THAP3: variants seen among roughly 807,000 people sequenced by gnomAD.
The protein encoded by THAP3 is THAP domain-containing protein 3.
In THAP3, 12 loss-of-function variants were observed where a neutral mutation model predicts 17.7. The observed-to-expected ratio is 0.68, with a 90% CI of 0.43 to 1.10. THAP3 has a LOEUF of 1.10. Among genes scored for constraint, THAP3 ranks in the 50% least tolerant of loss-of-function variants. The probability of loss-of-function intolerance (pLI) is 0.00; values close to 1 mark genes in which losing one functional copy is unlikely to be tolerated. For missense variants in THAP3, 289 were observed against 318.0 expected, an observed-to-expected ratio of 0.91 and a Z score of 0.69; for synonymous variants, 133 against 126.9, an observed-to-expected ratio of 1.05 and a Z score of -0.32.
At chr1:6,631,473 A>G (rs1156682429) in intron 4 of THAP3, among the ~76,000 whole-genome samples, 3 of 152,118 alleles carry the variant, frequency 2.0e-5, no homozygotes, top group Non-Finnish European at 2.9e-5. Context: ...TACTAAAAAT[A>G]TAAAAATTAG....
chr1:6,633,966 T>G, downstream of THAP3: 1 of 1,530,466 alleles, frequency 6.5e-7, no homozygotes, highest in Non-Finnish European at 9.0e-7. Context: ...TTTAGTGAAT[T>G]AAAGAAAAAA....
intron 4 of THAP3, among the ~76,000 whole-genome samples, chr1:6,630,580 TTTTC>T (rs1363267442): frequency 6.6e-6 from 1 of 152,116 alleles, no homozygotes; most frequent in Non-Finnish European, 1.5e-5. Flanking sequence ...TCCCTTTTTC[TTTTC>T]TTTTTTTTGA....
chr1:6,630,174 G>A (rs147188414), intron 3 of THAP3, 114 bp from the exon 4 acceptor site: 14 of 902,524 alleles, frequency 1.6e-5, no homozygotes, highest in East Asian at 2.4e-5. Flanking sequence ...GCAGCTGTTC[G>A]TTGACTGGGG....
chr1:6,630,760 C>T lies in THAP3; in HGVS notation c.333+407C>T, dbSNP rs890715133. 3.3e-5 allele frequency among the ~76,000 whole-genome samples: 5 copies of T among 151,994 alleles called. No homozygotes were observed. In the South Asian group the frequency reaches 6.2e-4, roughly 19 times the overall value. Reference sequence around the variant, plus strand: ...TAATTTTTGTGTTTTGAAATAGAGACGGGGTTTTACCACGTTGGCCAGGCT... The same window carrying T: ...TAATTTTTGTGTTTTGAAATAGAGATGGGGTTTTACCACGTTGGCCAGGCT... On this transcript the variant is annotated intron_variant, in intron 4 of 5. Coordinates refer to ENST00000054650, the MANE Select transcript of THAP3 (RefSeq NM_001195753.2).
At chr1:6,628,253 A>C in intron 2 of THAP3, 1 of 471,580 alleles carries the variant, frequency 2.1e-6, no homozygotes, top group Non-Finnish European at 3.7e-6. Flanking sequence ...GCTCCTGGCA[A>C]ATGTAGCATC....
downstream of THAP3, chr1:6,633,625 G>A (rs375783087): frequency 1.7e-4 from 175 of 1,059,618 alleles, 2 homozygotes; most frequent in South Asian, 3.3e-3. Context: ...ACTGACTTCC[G>A]TGGCCGGGCG....
chr1:6,625,417 A>T, intron 2 of THAP3, 125 bp downstream of exon 2: 1 of 824,002 alleles, frequency 1.2e-6, no homozygotes. Context: ...GGACAGGCCG[A>T]GGTCCTGGGC....
downstream of THAP3, chr1:6,634,390 C>A: frequency 1.7e-6 from 2 of 1,205,886 alleles, no homozygotes; most frequent in Non-Finnish European, 2.2e-6. Flanking sequence ...ACAACCCGAA[C>A]TGCTTTTCAA....
At chr1:6,634,515 C>T (rs530378430), downstream of THAP3, 191 of 1,355,460 alleles carry the variant, frequency 1.4e-4, no homozygotes, top group South Asian at 2.0e-3. Context: ...GGGCCCCCCG[C>T]GCCAGCTGTC....
chr1:6,626,132 A>G (rs1302819284), intron 2 of THAP3, among the ~76,000 whole-genome samples: 1 of 151,644 alleles, frequency 6.6e-6, no homozygotes, highest in African/African-American at 2.4e-5. Context: ...ACAGAAGGAG[A>G]CCCTACCTCT....
chr1:6,632,956 A>G lies in THAP3; in HGVS notation c.599A>G (p.Glu200Gly). Residue 200 changes from glutamate to glycine, a missense_variant, in exon 6 of 6, where the codon GAA becomes GGA. Glu to Gly is a moderately conservative substitution (Grantham distance 98). Transcript: ENST00000054650. ...CTCTTCCTCACTCTGAAGGAAAATGAAAAGCTCCGGAAGCGCTTGCAGGCC... is the reference window on the plus strand; with the variant it reads ...CTCTTCCTCACTCTGAAGGAAAATGGAAAGCTCCGGAAGCGCTTGCAGGCC... ...KKLFLTLKEN[E>G]KLRKRLQAQR... 1 of 1,612,956 alleles carries G rather than the reference A, an allele frequency of 6.2e-7. No homozygotes were observed.
At chr1:6,635,236 C>T, downstream of THAP3, 1 of 173,270 alleles carries the variant, frequency 5.8e-6, no homozygotes, top group East Asian at 1.5e-4. Flanking sequence ...GACCGGGAGG[C>T]CTGCCTGCTT....
Position 6,628,519 on chromosome 1 carries a change from A to G in THAP3, c.95A>G (p.Glu32Gly). The G allele has an allele frequency of 6.2e-7, 1 of 1,613,256 alleles. No individual in the cohort carries two copies. The highest frequency in any genetic ancestry group is 1.1e-5 in the South Asian group (1 of 90,950). Residue 32 changes from glutamate (E) to glycine (G), a missense_variant, in exon 3 of 6, where the codon GAG (glutamate) becomes GGG (glycine). Transcript: ENST00000054650. ...CTTAGGTTTCCGTTCAGCCGCCCGGAGCTGCTGAAGGAATGGGTGCTGAAC... is the reference window on the plus strand; with the variant it reads ...CTTAGGTTTCCGTTCAGCCGCCCGGGGCTGCTGAAGGAATGGGTGCTGAAC... ...TFHRFPFSRP[E>G]LLKEWVLNIG...
chr1:6,633,916 G>GAAA, downstream of THAP3: 8 of 947,972 alleles, frequency 8.4e-6, no homozygotes, highest in Non-Finnish European at 1.1e-5. Flanking sequence ...GACTCAGTCT[G>GAAA]AAAAAAAAAA....
At chr1:6,626,101 A>AGTTCGAGACCTGCCTGGGC (rs1232559511) in intron 2 of THAP3, among the ~76,000 whole-genome samples, 34 of 151,936 alleles carry the variant, frequency 2.2e-4, no homozygotes, top group African/African-American at 7.7e-4. Flanking sequence ...TGAGCCTGGG[A>AGTTCGAGACCTGCCTGGGC]GTTCGAGACC....
chr1:6,625,329 A>C (rs1570237235), intron 2 of THAP3, 37 bp downstream of exon 2: 1 of 1,499,298 alleles, frequency 6.7e-7, no homozygotes, highest in Non-Finnish European at 8.9e-7. Context: ...GGAGGCCCAG[A>C]CCCGGGGCCC....
At position 6,632,397 on chromosome 1, in the gene THAP3, CCT is replaced by C. The variant is rs771622222; in HGVS notation, c.341_342del (p.Pro114ArgfsTer18). 1.9e-6 allele frequency: 3 copies of C among 1,613,710 alleles called. No homozygotes were observed. Among genetic ancestry groups the C allele is most frequent in the Admixed American group, 3.3e-5 (2 of 60,008 alleles). ...ASSSQKEKVL[P>X]EAGAGEDSPG... is the part of the protein sequence containing the mutation. ...TTCACCCTGCCGTTCCCAGGTCCTC[CCT>C]GAGGCGGGGGCCGGAGAGGACAGTC... On this transcript the variant is annotated frameshift_variant, in exon 5 of 6. Coordinates refer to ENST00000054650, the MANE Select transcript of THAP3 (RefSeq NM_001195753.2). LOFTEE classifies it high-confidence loss of function.
chr1:6,625,176 C>T lies in THAP3; in HGVS notation c.-43C>T, dbSNP rs776059123. On this transcript the variant is annotated 5_prime_UTR_variant, in exon 2 of 6. Coordinates refer to ENST00000054650, the MANE Select transcript of THAP3 (RefSeq NM_001195753.2). ...TCCCTCCCCTCTCCGCAGGCCCCGCCGCCGCCGCCATCTTTGTTGGGGGCA... is the reference window on the plus strand; with the variant it reads ...TCCCTCCCCTCTCCGCAGGCCCCGCTGCCGCCGCCATCTTTGTTGGGGGCA... The T allele has an allele frequency of 3.3e-6, 5 of 1,526,332 alleles. No homozygotes were observed. In the African/African-American group the frequency reaches 7.1e-5, roughly 22 times the overall value. The allele number at this position is 1,526,332 out of a possible 1,614,324, so 94.5% of individuals were successfully genotyped here.
chr1:6,627,035 G>A (rs1641486138), intron 2 of THAP3, among the ~76,000 whole-genome samples: 1 of 152,190 alleles, frequency 6.6e-6, no homozygotes, highest in South Asian at 2.1e-4. Flanking sequence ...GACACTGATC[G>A]ATTGCATAGC....
Sources: allele counts gnomAD v4.1 joint callset (sites outside exome capture counted in the v4.1 genomes callset), GRCh38; gene constraint gnomAD v4.1.1; transcripts MANE v1.5; gene names NCBI Gene and HGNC (gene_info 2026-07-23, HGNC 2026-07-21).